The following COL24A1 variants were observed in gnomAD, a reference collection of about 807,000 sequenced individuals.
COL24A1 encodes the protein collagen type XXIV alpha 1 chain.
COL24A1 carries 224 observed loss-of-function variants against 253.9 expected under a neutral mutation model. The ratio of observed to expected loss-of-function variants is 0.88; its 90% CI spans 0.79 to 0.99. The LOEUF is 0.99. COL24A1 is among the 50% of genes least tolerant of loss of function. COL24A1 has a pLI of 0.00. For synonymous variants in COL24A1, 685 were observed against 673.7 expected (o/e 1.02, Z -0.26); for missense variants, 2,131 against 2,068.5 (o/e 1.03, Z -0.59).
At chr1:85,940,624 C>T (rs916517736) in intron 24 of COL24A1, among the ~76,000 whole-genome samples, 3 of 152,086 alleles carry the variant, frequency 2.0e-5, no homozygotes, top group African/African-American at 7.2e-5. Context: ...AGTCACAGTT[C>T]CTCCACTTCA....
At chr1:85,731,425 T>C (rs1246999986) in intron 59 of COL24A1, among the ~76,000 whole-genome samples, 2 of 152,206 alleles carry the variant, frequency 1.3e-5, no homozygotes, top group Admixed American at 6.5e-5. Context: ...AGAGATTATT[T>C]AAGCTATAAA....
chr1:85,842,439 T>A (rs1194484682), intron 39 of COL24A1, 46 bp from the exon 40 acceptor site: 3 of 1,262,324 alleles, frequency 2.4e-6, no homozygotes, highest in Non-Finnish European at 3.4e-6. Flanking sequence ...AGTAAAGAAT[T>A]GTTTAAATCA....
intron 47 of COL24A1, among the ~76,000 whole-genome samples, chr1:85,788,122 G>A (rs313713): frequency 0.32 from 48,153 of 151,594 alleles, 9,153 homozygotes; most frequent in East Asian, 0.57. Flanking sequence ...ACAGAGTCAC[G>A]CTCAGTCACC....
intron 12 of COL24A1, among the ~76,000 whole-genome samples, chr1:86,041,549 C>T (rs895176889): frequency 5.3e-5 from 8 of 151,952 alleles, no homozygotes; most frequent in Admixed American, 3.9e-4. Flanking sequence ...TGTAGCACTA[C>T]AAAATAAACT....
intron 5 of COL24A1, 45 bp downstream of exon 5, chr1:86,112,522 A>T: frequency 3.9e-6 from 6 of 1,526,382 alleles, no homozygotes; most frequent in Non-Finnish European, 2.7e-6. Context: ...CAGGAAAATC[A>T]GGTGATACTC....
intron 47 of COL24A1, among the ~76,000 whole-genome samples, chr1:85,798,381 T>C (rs1488458138): frequency 2.6e-5 from 4 of 151,694 alleles, no homozygotes; most frequent in African/African-American, 7.3e-5. Context: ...GCGGCGGGGT[T>C]GGGGGTCGGA....
rs763251816 is a variant in COL24A1, at chr1:85,802,263, C to T, written c.3951+14525G>A. On this transcript the variant is annotated intron_variant, in intron 47 of 59. Coordinates refer to ENST00000370571, the MANE Select transcript of COL24A1 (RefSeq NM_152890.7). Reference sequence around the variant, plus strand: ...TAGATAATGCTCAATTACCTTAATACGTCCTTCAATAGCCTCCATGATGTG... The same window carrying T: ...TAGATAATGCTCAATTACCTTAATATGTCCTTCAATAGCCTCCATGATGTG... Among the ~76,000 whole-genome samples the T allele has an allele frequency of 5.9e-5, 9 of 152,278 alleles. No homozygotes were observed. In the South Asian group the frequency reaches 6.2e-4, roughly 11 times the overall value.
At chr1:86,118,561 C>T (rs1706386929) in intron 3 of COL24A1, among the ~76,000 whole-genome samples, 1 of 152,108 alleles carries the variant, frequency 6.6e-6, no homozygotes, top group Non-Finnish European at 1.5e-5. Context: ...TTCACTCACT[C>T]AATAAATATT....
chr1:86,069,158 T>G (rs1701692902), intron 7 of COL24A1, among the ~76,000 whole-genome samples: 1 of 152,166 alleles, frequency 6.6e-6, no homozygotes, highest in Non-Finnish European at 1.5e-5. Context: ...GGTAGGGCAA[T>G]TAGCAGGCTC....
At chr1:86,050,053 T>G (rs2101674730) in intron 11 of COL24A1, 71 bp downstream of exon 11, 1 of 1,333,362 alleles carries the variant, frequency 7.5e-7, no homozygotes, top group Middle Eastern at 1.8e-4. Context: ...GACATCTGAT[T>G]TTATGACCCC....
chr1:85,973,182 T>A (rs891989862), intron 20 of COL24A1, among the ~76,000 whole-genome samples: 1 of 152,224 alleles, frequency 6.6e-6, no homozygotes, highest in Admixed American at 6.5e-5. Context: ...TCAGCTAGTG[T>A]TTAATCACTT....
chr1:85,945,018 T>TTTTGTTTG (rs1337724839), intron 24 of COL24A1, among the ~76,000 whole-genome samples: 24 of 86,852 alleles, frequency 2.8e-4, no homozygotes, highest in East Asian at 1.7e-3. Flanking sequence ...TTTTTTTTTT[T>TTTTGTTTG]TTTTTTTTTT....
At chr1:85,936,512 A>G in intron 24 of COL24A1, among the ~76,000 whole-genome samples, 1 of 147,206 alleles carries the variant, frequency 6.8e-6, no homozygotes. Context: ...TTGCACAGGT[A>G]TTTGATCAAG....
chr1:85,900,053 A>C (rs1460873975), intron 28 of COL24A1, among the ~76,000 whole-genome samples: 1 of 152,240 alleles, frequency 6.6e-6, no homozygotes, highest in Non-Finnish European at 1.5e-5. Flanking sequence ...AATATTAAAC[A>C]TTCACAAGTA....
chr1:85,790,147 C>A (rs1558136604), intron 47 of COL24A1, among the ~76,000 whole-genome samples: 1 of 152,064 alleles, frequency 6.6e-6, no homozygotes, highest in Non-Finnish European at 1.5e-5. Context: ...CTTGGTATAC[C>A]TCTGGTAGAA....
intron 24 of COL24A1, among the ~76,000 whole-genome samples, chr1:85,949,502 T>C (rs1352641282): frequency 6.6e-6 from 1 of 152,278 alleles, no homozygotes; most frequent in East Asian, 1.9e-4. Context: ...ATCCAAATCA[T>C]TAATCTTTGA....
intron 17 of COL24A1, 64 bp downstream of exon 17, chr1:86,022,474 G>T: frequency 7.1e-7 from 1 of 1,414,010 alleles, no homozygotes. Context: ...AAAATAATAA[G>T]CAGTTCTTTC....
At position 85,763,836 on chromosome 1, in the gene COL24A1, T is replaced by G. The variant is rs974575953; in HGVS notation, c.4375-2270A>C. Among the ~76,000 whole-genome samples the G allele has an allele frequency of 3.3e-5, 5 of 152,140 alleles. No homozygotes were observed. The East Asian group carries it at 9.7e-4, about 29-fold the overall frequency. On this transcript the variant is annotated intron_variant, in intron 53 of 59. Coordinates refer to ENST00000370571, the MANE Select transcript of COL24A1 (RefSeq NM_152890.7). Reference sequence around the variant, plus strand: ...TAAAGGGGAACCAAATTACTCTGAATGGTTATGGTGGTTATTTGGCTATAG... The same window carrying G: ...TAAAGGGGAACCAAATTACTCTGAAGGGTTATGGTGGTTATTTGGCTATAG...
At chr1:86,041,457 G>A (rs914260634) in intron 12 of COL24A1, among the ~76,000 whole-genome samples, 1 of 151,984 alleles carries the variant, frequency 6.6e-6, no homozygotes, top group Non-Finnish European at 1.5e-5. Flanking sequence ...GGCTAACTTG[G>A]TACAAGACAG....
Sources: gnomAD v4.1 joint callset for allele counts (sites outside exome capture counted in the v4.1 genomes callset) on GRCh38, gnomAD v4.1.1 for gene constraint, MANE v1.5 for transcripts, NCBI Gene and HGNC (gene_info 2026-07-23, HGNC 2026-07-21) for gene names.